Variants in ZNF331 observed in about 807,000 individuals in gnomAD.
The protein encoded by ZNF331 is zinc finger protein 331, also known as C2H2-like zinc finger protein rearranged in thyroid adenomas.
A neutral mutation model predicts 7.0 loss-of-function variants in ZNF331; 2 were observed. That is an observed-to-expected ratio of 0.29 (90% CI 0.12 to 0.90). The LOEUF is 0.90. ZNF331 is among the 40% of genes least tolerant of loss of function. The pLI is 0.58. For synonymous variants in ZNF331, 196 were observed against 205.4 expected (o/e 0.95, Z 0.39); for missense variants, 432 against 587.7 (o/e 0.74, Z 2.74).
At position 53,539,015 on chromosome 19, in the gene ZNF331, C is replaced by T. The variant is rs1043931179; in HGVS notation, c.-204-201C>T. 6.6e-6 allele frequency: 1 copy of T among 152,212 alleles called. No individual in the cohort carries two copies. The highest frequency in any genetic ancestry group is 1.5e-5 in the Non-Finnish European group (1 of 68,070). The allele number at this position is 152,212 out of a possible 1,614,324, so 9.4% of individuals were successfully genotyped here. On this transcript the variant is annotated intron_variant, in intron 1 of 5. Coordinates refer to ENST00000449416, the MANE Select transcript of ZNF331 (RefSeq NM_001079906.2). This position sits in a 1 kb window ranked among gnomAD's most constrained non-coding sequence, Gnocchi z 6.1. ...CCACCTGAGTGACAGGGGACGGTGG[C>T]CTCAGGAGTAGAATTCCTCCTGTAG...
At chr19:53,553,049 C>G (rs1438111237) in intron 2 of ZNF331, among the ~76,000 whole-genome samples, 1 of 152,104 alleles carries the variant, frequency 6.6e-6, no homozygotes, top group Non-Finnish European at 1.5e-5. Flanking sequence ...CATACCCTTT[C>G]AAACCTACCT....
chr19:53,508,200 G>T, the ZNF331 span, among the ~76,000 whole-genome samples: 1 of 152,192 alleles, frequency 6.6e-6, no homozygotes, highest in Admixed American at 6.5e-5. Context: ...GGCCGGGCTT[G>T]TGGTTCTTGG....
intron 2 of ZNF331, among the ~76,000 whole-genome samples, chr19:53,544,217 C>G (rs1208595028): frequency 1.4e-5 from 2 of 143,496 alleles, no homozygotes; most frequent in African/African-American, 5.2e-5. Flanking sequence ...GAGCAAGACT[C>G]CGTCTCAAAA....
intron 2 of ZNF331, among the ~76,000 whole-genome samples, chr19:53,525,829 G>GA: frequency 6.6e-6 from 1 of 152,244 alleles, no homozygotes; most frequent in South Asian, 2.1e-4. Flanking sequence ...GTACTACATT[G>GA]ATTAGAAGTG....
intron 2 of ZNF331, among the ~76,000 whole-genome samples, chr19:53,547,721 C>A (rs755896268): frequency 6.6e-6 from 1 of 152,114 alleles, no homozygotes; most frequent in African/African-American, 2.4e-5. Context: ...GCCATTCTTA[C>A]ATGTATGAGG....
At chr19:53,543,090 T>A (rs1182345505) in intron 2 of ZNF331, among the ~76,000 whole-genome samples, 1 of 151,994 alleles carries the variant, frequency 6.6e-6, no homozygotes, top group East Asian at 2.0e-4. Flanking sequence ...ATTACAGGCA[T>A]GAGCCACCGC....
chr19:53,559,576 CAT>C (rs1410105073), intron 3 of ZNF331, among the ~76,000 whole-genome samples: 2 of 150,216 alleles, frequency 1.3e-5, no homozygotes, highest in South Asian at 2.1e-4. Flanking sequence ...TATATACACA[CAT>C]ATATACACAT....
At chr19:53,521,439 G>A (rs1332395736) in exon 1 of ZNF331, 4 of 152,662 alleles carry the variant, frequency 2.6e-5, no homozygotes, top group African/African-American at 7.2e-5. Context: ...GTGGGGTAAT[G>A]CGAACAAGCC....
chr19:53,528,839 C>T (rs2087412288), intron 2 of ZNF331, among the ~76,000 whole-genome samples: 2 of 151,702 alleles, frequency 1.3e-5, no homozygotes, highest in African/African-American at 4.8e-5. Flanking sequence ...GGCTGGAGTG[C>T]AGTGGCGCAA....
At chr19:53,528,023 ACT>A (rs2087373581) in intron 2 of ZNF331, among the ~76,000 whole-genome samples, 1 of 152,264 alleles carries the variant, frequency 6.6e-6, no homozygotes, top group Non-Finnish European at 1.5e-5. Flanking sequence ...ATATGAAATG[ACT>A]AAGATGGCAA....
Position 53,576,493 on chromosome 19 carries a change from C to G in ZNF331, c.137-204C>G, listed in dbSNP as rs971813642. Among the ~76,000 whole-genome samples the G allele has an allele frequency of 7.2e-5, 11 of 152,250 alleles. No homozygotes were observed. The South Asian group carries it at 2.3e-3, about 32-fold the overall frequency. On this transcript the variant is annotated intron_variant, in intron 5 of 5. Transcript: ENST00000449416. ...CTAATTGTCGGGACCTTTTTCATGT[C>G]TGACTTTAAAATAGATGTCTCCAAT...
intron 3 of ZNF331, among the ~76,000 whole-genome samples, 163 bp downstream of exon 3, chr19:53,556,071 C>T (rs558418133): frequency 5.9e-5 from 9 of 151,610 alleles, no homozygotes; most frequent in South Asian, 2.1e-4. Flanking sequence ...GGTGAAACCC[C>T]GTCTCTACTA....
chr19:53,511,654 G>A, the ZNF331 span, among the ~76,000 whole-genome samples: 1 of 152,168 alleles, frequency 6.6e-6, no homozygotes, highest in Non-Finnish European at 1.5e-5. Flanking sequence ...TGCGTCTCAG[G>A]TTTGTGGGTC....
At chr19:53,549,138 G>A (rs1389971996) in intron 2 of ZNF331, among the ~76,000 whole-genome samples, 1 of 152,122 alleles carries the variant, frequency 6.6e-6, no homozygotes, top group African/African-American at 2.4e-5. Context: ...TAAGGGTCCA[G>A]TTGCATTCTT....
At chr19:53,556,238 A>G (rs28735062) in intron 3 of ZNF331, among the ~76,000 whole-genome samples, 2,004 of 88,392 alleles carry the variant, frequency 0.023, 44 homozygotes, top group African/African-American at 0.083. Context: ...GCGAGACTCC[A>G]TCTCAAAAAA....
the ZNF331 span, among the ~76,000 whole-genome samples, chr19:53,505,052 G>A: frequency 6.6e-6 from 1 of 152,200 alleles, no homozygotes; most frequent in Non-Finnish European, 1.5e-5. Context: ...AAGAGTCCCC[G>A]AAGCTGATGC....
At chr19:53,512,636 C>G in the ZNF331 span, 1 of 150,750 alleles carries the variant, frequency 6.6e-6, no homozygotes, top group South Asian at 2.1e-4. Context: ...GATCCCCACC[C>G]CTGGGCTGCG....
chr19:53,550,059 T>C (rs758220865), intron 2 of ZNF331, among the ~76,000 whole-genome samples: 1 of 152,252 alleles, frequency 6.6e-6, no homozygotes, highest in East Asian at 1.9e-4. Flanking sequence ...TCTCCCGTTA[T>C]TGATTTCCAG....
upstream of ZNF331, among the ~76,000 whole-genome samples, chr19:53,536,045 C>G (rs2147285939): frequency 6.6e-6 from 1 of 152,240 alleles, no homozygotes; most frequent in South Asian, 2.1e-4. Context: ...CTCAAGTGAT[C>G]CGCTCACCTT....
Sources: allele counts gnomAD v4.1 joint callset (sites outside exome capture counted in the v4.1 genomes callset), GRCh38; gene constraint gnomAD v4.1.1; non-coding constraint Gnocchi (gnomAD v3.1); transcripts MANE v1.5; gene names NCBI Gene and HGNC (gene_info 2026-07-23, HGNC 2026-07-21).